Variants in RINT1 observed in about 807,000 individuals in gnomAD.
RINT1 encodes RAD50-interacting protein 1.
RINT1 carries 75 observed loss-of-function variants against 97.7 expected under a neutral mutation model. The ratio of observed to expected loss-of-function variants is 0.77; its 90% CI spans 0.64 to 0.93. The LOEUF (loss-of-function observed/expected upper bound fraction) is 0.93, where lower values mean the gene tolerates loss of function less well. RINT1 is among the 40% of genes least tolerant of loss of function. RINT1 has a pLI of 0.00. For synonymous variants in RINT1, 303 were observed against 326.3 expected (o/e 0.93, Z 0.77); for missense variants, 892 against 925.2 (o/e 0.96, Z 0.47).
chr7:105,553,170 A>T (rs1254997834), intron 10 of RINT1, among the ~76,000 whole-genome samples: 1 of 151,504 alleles, frequency 6.6e-6, no homozygotes. Context: ...TTTACTCCTC[A>T]ATTTTTTTTT....
intron 11 of RINT1, among the ~76,000 whole-genome samples, chr7:105,556,315 C>T (rs1278167187): frequency 3.3e-5 from 5 of 151,966 alleles, no homozygotes; most frequent in Admixed American, 3.3e-4. Context: ...GATCCACCTG[C>T]TTCTGCCTCC....
At chr7:105,559,806 T>C (rs1243391074) in intron 11 of RINT1, among the ~76,000 whole-genome samples, 1 of 152,216 alleles carries the variant, frequency 6.6e-6, no homozygotes, top group Non-Finnish European at 1.5e-5. Flanking sequence ...CTTCAGCCAG[T>C]GAATACTGTA....
chr7:105,543,547 G>A (rs1790544274), intron 4 of RINT1, among the ~76,000 whole-genome samples: 1 of 152,118 alleles, frequency 6.6e-6, no homozygotes, highest in African/African-American at 2.4e-5. Context: ...TAGATTAGTA[G>A]ATGATAAGGT....
At chr7:105,539,040 C>G (rs1728647) in intron 3 of RINT1, among the ~76,000 whole-genome samples, 6,497 of 152,248 alleles carry the variant, frequency 0.043, 181 homozygotes, top group South Asian at 0.075. Context: ...CAGAAAGTAA[C>G]CTTTGTTATC....
chr7:105,543,426 C>T (rs936525044), intron 4 of RINT1, among the ~76,000 whole-genome samples: 1 of 151,814 alleles, frequency 6.6e-6, no homozygotes, highest in Non-Finnish European at 1.5e-5. Context: ...GTAGGAAAAA[C>T]AAAAAAGGAA....
Position 105,536,556 on chromosome 7 carries a change from T to C in RINT1, c.89-9T>C, listed in dbSNP as rs1359648154. On this transcript the variant is annotated splice_polypyrimidine_tract_variant and intron_variant, in intron 2 of 14. Transcript: ENST00000257700. ...GTGGCGTTGAGTAATTGTTATTCTT[T>C]TGTTGTAGGTGACATAAATGTTACA... 1 of 1,554,830 alleles carries C rather than the reference T, an allele frequency of 6.4e-7. No individual in the cohort carries two copies. The highest frequency in any genetic ancestry group is 1.2e-5 in the South Asian group (1 of 83,202).
chr7:105,536,647 T>C lies in RINT1; in HGVS notation c.171T>C (p.Ser57=). The change falls in exon 3 of 15, where the codon TCT becomes TCC. Residue 57 remains serine (S), a synonymous_variant. Coordinates refer to ENST00000257700, the MANE Select transcript of RINT1 (RefSeq NM_021930.6). ...TDNGDLPSYV[S]AFIEKEVGND... is the part of the protein sequence containing the mutation. ...ATGGTGATCTCCCTTCTTATGTGTC[T>C]GCATTCATAGAAAAGGAAGTTGGAA... 6.2e-7 allele frequency: 1 copy of C among 1,612,650 alleles called. No homozygotes were observed. Among genetic ancestry groups the C allele is most frequent in the Non-Finnish European group, 8.5e-7 (1 of 1,178,910 alleles).
rs1355417148 is a variant in RINT1 at position 105,536,580 on chromosome 7, C to G, written c.104C>G (p.Thr35Arg). 1 of 1,595,810 alleles carries G rather than the reference C, an allele frequency of 6.3e-7. No homozygotes were observed. Among genetic ancestry groups the G allele is most frequent in the African/African-American group, 1.3e-5 (1 of 74,172 alleles). Reference sequence around the variant, plus strand: ...TTTGTTGTAGGTGACATAAATGTTACAGTTCTTATTGGAAGTAAACAAGTC... The same window carrying G: ...TTTGTTGTAGGTGACATAAATGTTAGAGTTCTTATTGGAAGTAAACAAGTC... The part of the protein sequence containing the change: ...NLEEKSDINV[T>R]VLIGSKQVSE... The change falls in exon 3 of 15, where the codon ACA (threonine) becomes AGA (arginine). Residue 35 changes from threonine to arginine, a missense_variant. Thr to Arg is a moderately conservative substitution (Grantham distance 71). Transcript: ENST00000257700.
Position 105,563,918 on chromosome 7 carries a change from A to C in RINT1, c.1857A>C (p.Lys619Asn). The C allele has an allele frequency of 6.2e-7, 1 of 1,614,118 alleles. No homozygotes were observed. Among genetic ancestry groups the C allele is most frequent in the Non-Finnish European group, 8.5e-7 (1 of 1,179,974 alleles). Residue 619 changes from lysine to asparagine, a missense_variant, in exon 12 of 15, where the codon AAA becomes AAC. Physicochemically the swap from Lys to Asn is moderately conservative, Grantham distance 94. Coordinates refer to ENST00000257700, the MANE Select transcript of RINT1 (RefSeq NM_021930.6). ...TAGACCACGTTTTTAGAGAAGTTAA[A>C]GATGCTGCAAAATTGTATAAAAAAG... is the stretch of plus-strand genomic sequence containing the variant. ...RQVDHVFREVKDAAKLYKKER... is the reference protein window; with the variant it reads ...RQVDHVFREVNDAAKLYKKER...
At chr7:105,564,099 A>T (rs1364590375) in intron 12 of RINT1, 152 bp downstream of exon 12, 5 of 631,758 alleles carry the variant, frequency 7.9e-6, no homozygotes, top group Non-Finnish European at 1.4e-5. Context: ...TCTCTTGGAC[A>T]TTTTTTTTGA....
At chr7:105,539,882 T>C (rs1034150799) in intron 3 of RINT1, among the ~76,000 whole-genome samples, 2 of 152,202 alleles carry the variant, frequency 1.3e-5, no homozygotes, top group African/African-American at 2.4e-5. Context: ...CACTCTTATA[T>C]ACCAAAGTGA....
chr7:105,566,639 C>T (rs552017472), intron 14 of RINT1: 1 of 140,182 alleles, frequency 7.1e-6, no homozygotes, highest in South Asian at 2.3e-4. Context: ...GACCATGTCT[C>T]AAAAAAAAAA....
chr7:105,564,026 C>A, intron 12 of RINT1, 79 bp downstream of exon 12: 1 of 995,370 alleles, frequency 1.0e-6, no homozygotes, highest in South Asian at 1.5e-5. Context: ...TTCAAGGTGT[C>A]TAGATAGAAC....
intron 11 of RINT1, among the ~76,000 whole-genome samples, chr7:105,561,686 C>A (rs1023867937): frequency 6.6e-6 from 1 of 151,914 alleles, no homozygotes; most frequent in Middle Eastern, 3.2e-3. Context: ...CTCAGCCTCC[C>A]GAGTAGCTGG....
rs759853907 is a variant in RINT1, at chr7:105,555,111, C to T, written c.1555C>T (p.Arg519Ter). The change falls in exon 11 of 15, where the codon CGA becomes TGA. Residue 519 changes from arginine (R) to a stop codon, truncating the protein, a stop_gained. Transcript: ENST00000257700. LOFTEE classifies it high-confidence loss of function. ...GGACTTAGTAGATGATTTTAGGATACGATTAACACAAGTGATGAAAGAAGA... is the reference window on the plus strand; with the variant it reads ...GGACTTAGTAGATGATTTTAGGATATGATTAACACAAGTGATGAAAGAAGA... ...QKDLVDDFRI[R>*]LTQVMKEETR... 31 of 1,613,812 alleles carry T rather than the reference C, an allele frequency of 1.9e-5. No homozygotes were observed. The highest frequency in any genetic ancestry group is 4.5e-5 in the East Asian group (2 of 44,862).
rs139316702 is a variant in RINT1 at position 105,537,874 on chromosome 7, T to C, written c.273+1125T>C. On this transcript the variant is annotated intron_variant, in intron 3 of 14. Transcript: ENST00000257700. ...TTCTATGTATTTATAGGTTTTTTTT[T>C]CTTTTACAATGAACATATCACTTAA... 1.6e-3 allele frequency among the ~76,000 whole-genome samples: 240 copies of C among 152,234 alleles called. 1 individual carries two copies. Among genetic ancestry groups the C allele is most frequent in the African/African-American group, 5.5e-3 (230 of 41,546 alleles).
intron 3 of RINT1, among the ~76,000 whole-genome samples, chr7:105,540,866 C>A (rs959615332): frequency 2.2e-5 from 3 of 137,032 alleles, no homozygotes; most frequent in African/African-American, 8.5e-5. Flanking sequence ...GATATGGAGT[C>A]TCGCTCTGTC....
chr7:105,560,663 A>G (rs1050150720), intron 11 of RINT1, among the ~76,000 whole-genome samples: 6 of 152,178 alleles, frequency 3.9e-5, no homozygotes, highest in Non-Finnish European at 1.5e-5. Context: ...AAGAACTTTA[A>G]AAGAAAAGCA....
At chr7:105,537,192 G>A (rs566764937) in intron 3 of RINT1, among the ~76,000 whole-genome samples, 5 of 146,802 alleles carry the variant, frequency 3.4e-5, no homozygotes, top group East Asian at 2.0e-4. Flanking sequence ...GTACAATGGC[G>A]CCATCTTGGC....
Sources: gnomAD v4.1 joint callset for allele counts (sites outside exome capture counted in the v4.1 genomes callset) on GRCh38, gnomAD v4.1.1 for gene constraint, MANE v1.5 for transcripts, NCBI Gene and HGNC (gene_info 2026-07-23, HGNC 2026-07-21) for gene names.